CADM2: variants seen among roughly 807,000 people sequenced by gnomAD.
CADM2 encodes cell adhesion molecule 2.
A neutral mutation model predicts 49.8 loss-of-function variants in CADM2; 12 were observed. The observed-to-expected ratio is 0.24, with a 90% CI of 0.15 to 0.39. CADM2 has a LOEUF of 0.39. Among genes scored for constraint, CADM2 ranks in the 10% least tolerant of loss-of-function variants. The probability of loss-of-function intolerance (pLI) is 1.00; values close to 1 mark genes in which losing one functional copy is unlikely to be tolerated. For synonymous variants in CADM2, 214 were observed against 175.4 expected, an observed-to-expected ratio of 1.22 and a Z score of -1.74; for missense variants, 378 against 492.3, an observed-to-expected ratio of 0.77 and a Z score of 2.20.
At chr3:85,689,354 G>A (rs1421860735) in intron 1 of CADM2, among the ~76,000 whole-genome samples, 1 of 151,950 alleles carries the variant, frequency 6.6e-6, no homozygotes, top group Non-Finnish European at 1.5e-5. Flanking sequence ...TTTAAATGTT[G>A]CAAAGAAAAA....
chr3:85,470,338 C>T (rs1292712296), intron 1 of CADM2, among the ~76,000 whole-genome samples: 1 of 152,062 alleles, frequency 6.6e-6, no homozygotes, highest in Non-Finnish European at 1.5e-5. Context: ...CCTGGGAATA[C>T]AGGTAAAAAG....
intron 1 of CADM2, among the ~76,000 whole-genome samples, chr3:85,587,909 T>C (rs2107326143): frequency 6.6e-6 from 1 of 152,022 alleles, no homozygotes; most frequent in Admixed American, 6.6e-5. Context: ...CATCCTCAAC[T>C]AGGTTTTTGG....
intron 1 of CADM2, among the ~76,000 whole-genome samples, chr3:85,110,185 G>C (rs1215381128): frequency 6.6e-6 from 1 of 151,822 alleles, no homozygotes; most frequent in African/African-American, 2.4e-5. Context: ...AATAACAATT[G>C]AATGGGACTA....
intron 1 of CADM2, among the ~76,000 whole-genome samples, chr3:85,059,259 T>A: frequency 6.7e-6 from 1 of 150,042 alleles, no homozygotes; most frequent in African/African-American, 2.5e-5. Flanking sequence ...TAAATAAAAG[T>A]AAAAATAAGA....
rs74348255 is a variant in CADM2, at chr3:85,538,975, G to A, written c.62-187547G>A. 4.4e-3 allele frequency among the ~76,000 whole-genome samples: 667 copies of A among 152,166 alleles called. 3 individuals are homozygous for A. The highest frequency in any genetic ancestry group is 9.2e-3 in the Admixed American group (140 of 15,260). On this transcript the variant is annotated intron_variant, in intron 1 of 9. Transcript: ENST00000383699. ...GCTTTTTAAGACTGAATATATTTGT[G>A]AGAGAAAAGCCTTCTTAATACAACA...
intron 1 of CADM2, among the ~76,000 whole-genome samples, chr3:85,444,084 C>T (rs549020234): frequency 6.6e-6 from 1 of 152,224 alleles, no homozygotes; most frequent in East Asian, 1.9e-4. Context: ...CGCTTTCAAC[C>T]TATTAAGAAA....
At chr3:85,189,315 G>A (rs2041146071) in intron 1 of CADM2, among the ~76,000 whole-genome samples, 1 of 151,856 alleles carries the variant, frequency 6.6e-6, no homozygotes. Context: ...AGGAGTTGAA[G>A]TTGCAAGTTT....
chr3:85,617,563 A>G (rs931809975), intron 1 of CADM2, among the ~76,000 whole-genome samples: 11 of 152,122 alleles, frequency 7.2e-5, no homozygotes, highest in Non-Finnish European at 1.2e-4. Flanking sequence ...AAGCTTCATT[A>G]TGTAGACATG....
At chr3:85,662,983 T>C (rs1314107591) in intron 1 of CADM2, among the ~76,000 whole-genome samples, 1 of 152,004 alleles carries the variant, frequency 6.6e-6, no homozygotes, top group Non-Finnish European at 1.5e-5. Context: ...TGCCACATCT[T>C]AGAAATGGCA....
chr3:85,107,676 C>T (rs191620573), intron 1 of CADM2, among the ~76,000 whole-genome samples: 1 of 114,238 alleles, frequency 8.8e-6, no homozygotes. Context: ...TCCTTCCTTC[C>T]TTCTTTCTCT....
At chr3:85,603,573 G>T (rs568245269) in intron 1 of CADM2, among the ~76,000 whole-genome samples, 49 of 151,740 alleles carry the variant, frequency 3.2e-4, no homozygotes, top group African/African-American at 1.1e-3. Flanking sequence ...GAAACAAAGG[G>T]GCTATTCACT....
intron 5 of CADM2, among the ~76,000 whole-genome samples, chr3:85,893,651 A>G (rs1714790010): frequency 6.6e-6 from 1 of 152,182 alleles, no homozygotes; most frequent in African/African-American, 2.4e-5. Context: ...AATTTACAAG[A>G]AAAAAACAAA....
At chr3:85,075,243 T>C (rs2036900541) in intron 1 of CADM2, among the ~76,000 whole-genome samples, 1 of 151,654 alleles carries the variant, frequency 6.6e-6, no homozygotes, top group African/African-American at 2.4e-5. Context: ...TTTTTTAATA[T>C]CATAAGGTCT....
intron 2 of CADM2, among the ~76,000 whole-genome samples, chr3:85,732,325 A>G (rs2067969489): frequency 6.6e-6 from 1 of 152,128 alleles, no homozygotes; most frequent in South Asian, 2.1e-4. Flanking sequence ...CAAAATCTTC[A>G]TAAAAAACGA....
At chr3:85,651,984 C>CTTTTTTTTTTTTTTTTTTTTTT (rs75263402) in intron 1 of CADM2, among the ~76,000 whole-genome samples, 1 of 105,464 alleles carries the variant, frequency 9.5e-6, no homozygotes, top group Non-Finnish European at 1.9e-5. Flanking sequence ...CGCCCGGCTA[C>CTTTTTTTTTTTTTTTTTTTTTT]TTTTTTTTTT....
chr3:85,912,646 A>G, intron 6 of CADM2, 103 bp downstream of exon 6: 1 of 1,143,372 alleles, frequency 8.7e-7, no homozygotes, highest in Non-Finnish European at 1.3e-6. Context: ...AAGGTGCAGT[A>G]AAATCCACGG....
intron 1 of CADM2, among the ~76,000 whole-genome samples, chr3:85,150,372 A>C (rs569354333): frequency 1.3e-5 from 2 of 152,294 alleles, no homozygotes; most frequent in Admixed American, 1.3e-4. Flanking sequence ...ACTCTCAGAG[A>C]CAGAAACAAC....
At chr3:86,006,396 A>G (rs1730793628) in intron 8 of CADM2, among the ~76,000 whole-genome samples, 1 of 152,204 alleles carries the variant, frequency 6.6e-6, no homozygotes, top group African/African-American at 2.4e-5. Flanking sequence ...TCTTGGTATT[A>G]CATGGGCAAT....
chr3:85,087,886 A>T (rs1401541804), intron 1 of CADM2, among the ~76,000 whole-genome samples: 1 of 152,140 alleles, frequency 6.6e-6, no homozygotes, highest in East Asian at 1.9e-4. Context: ...TTCCCTTACC[A>T]GTTTTGACAT....
Sources: gnomAD v4.1 joint callset for allele counts (sites outside exome capture counted in the v4.1 genomes callset) on GRCh38, gnomAD v4.1.1 for gene constraint, MANE v1.5 for transcripts, NCBI Gene and HGNC (gene_info 2026-07-23, HGNC 2026-07-21) for gene names.